LHFPL6: variants seen among roughly 807,000 people sequenced by gnomAD.
The protein encoded by LHFPL6 is LHFPL tetraspan subfamily member 6, also known as LHFPL tetraspan subfamily member 6 protein.
A neutral mutation model predicts 20.6 loss-of-function variants in LHFPL6; 9 were observed. The observed-to-expected ratio is 0.44, with a 90% CI of 0.26 to 0.76. The LOEUF (loss-of-function observed/expected upper bound fraction) is 0.76, where lower values mean the gene tolerates loss of function less well. Ranked by LOEUF, LHFPL6 falls within the 30% of genes least tolerant of loss-of-function variation. LHFPL6 has a pLI of 0.20. For missense variants in LHFPL6, 218 were observed against 253.5 expected (o/e 0.86, Z 0.95); for synonymous variants, 105 against 98.7 (o/e 1.06, Z -0.38).
intron 2 of LHFPL6, among the ~76,000 whole-genome samples, chr13:39,402,537 C>T (rs1871019529): frequency 6.6e-6 from 1 of 152,056 alleles, no homozygotes; most frequent in African/African-American, 2.4e-5. Context: ...GCCCTTTTTG[C>T]TTTTTTAAAT....
At chr13:39,582,319 C>A (rs1369345657) in intron 2 of LHFPL6, among the ~76,000 whole-genome samples, 2 of 152,196 alleles carry the variant, frequency 1.3e-5, no homozygotes, top group African/African-American at 4.8e-5. Context: ...AGTCCAGGGT[C>A]TCATTCTGCA....
chr13:39,600,623 T>C (rs1206005258), intron 2 of LHFPL6, among the ~76,000 whole-genome samples: 2 of 152,216 alleles, frequency 1.3e-5, no homozygotes, highest in East Asian at 1.9e-4. Flanking sequence ...GTGATGTATA[T>C]GTACAGAAAT....
At chr13:39,509,888 C>T (rs910551783) in intron 2 of LHFPL6, among the ~76,000 whole-genome samples, 3 of 152,132 alleles carry the variant, frequency 2.0e-5, no homozygotes, top group Admixed American at 1.3e-4. Flanking sequence ...TGCAGTCAGC[C>T]ATGACTGTGC....
At chr13:39,516,080 G>A (rs1869903145) in intron 2 of LHFPL6, among the ~76,000 whole-genome samples, 1 of 152,142 alleles carries the variant, frequency 6.6e-6, no homozygotes, top group African/African-American at 2.4e-5. Flanking sequence ...GGACTGTGGA[G>A]GCTAATTACG....
intron 2 of LHFPL6, among the ~76,000 whole-genome samples, chr13:39,492,803 C>T (rs1355776177): frequency 1.3e-5 from 2 of 152,040 alleles, no homozygotes; most frequent in Non-Finnish European, 2.9e-5. Context: ...GCCTCAGCCT[C>T]CCGAGTAGCT....
At chr13:39,600,270 T>G (rs1184111113) in intron 2 of LHFPL6, among the ~76,000 whole-genome samples, 1 of 152,226 alleles carries the variant, frequency 6.6e-6, no homozygotes, top group Non-Finnish European at 1.5e-5. Context: ...GATAGCTATC[T>G]CTGTAGAATA....
intron 3 of LHFPL6, among the ~76,000 whole-genome samples, chr13:39,346,964 A>G (rs1471035354): frequency 6.6e-6 from 1 of 151,982 alleles, no homozygotes; most frequent in African/African-American, 2.4e-5. Flanking sequence ...ACACAGAGCA[A>G]ATTAGCACAA....
At chr13:39,542,800 A>G (rs1326943832) in intron 2 of LHFPL6, among the ~76,000 whole-genome samples, 7 of 152,360 alleles carry the variant, frequency 4.6e-5, no homozygotes, top group Middle Eastern at 6.8e-3. Context: ...GCTAAGTCGC[A>G]TGGGTCATAA....
At chr13:39,428,647 C>T (rs1168977836) in intron 2 of LHFPL6, among the ~76,000 whole-genome samples, 1 of 152,096 alleles carries the variant, frequency 6.6e-6, no homozygotes, top group Non-Finnish European at 1.5e-5. Flanking sequence ...TCTCAACAAA[C>T]AAGCTTTTGG....
intron 3 of LHFPL6, among the ~76,000 whole-genome samples, chr13:39,369,915 G>A (rs1227917718): frequency 2.6e-5 from 4 of 152,114 alleles, no homozygotes; most frequent in Admixed American, 6.5e-5. Flanking sequence ...TGATTGTACA[G>A]AGTGGGGTCC....
At chr13:39,575,201 A>G (rs1251733181) in intron 2 of LHFPL6, among the ~76,000 whole-genome samples, 1 of 152,190 alleles carries the variant, frequency 6.6e-6, no homozygotes, top group Non-Finnish European at 1.5e-5. Flanking sequence ...AACCAGAGCT[A>G]TACTACCTTT....
chr13:39,477,914 A>G (rs1344969190), intron 2 of LHFPL6, among the ~76,000 whole-genome samples: 1 of 152,236 alleles, frequency 6.6e-6, no homozygotes, highest in East Asian at 1.9e-4. Context: ...ATCAGTTTCC[A>G]CAAATGACAA....
chr13:39,406,803 A>C (rs942847311), intron 2 of LHFPL6, among the ~76,000 whole-genome samples: 1 of 152,256 alleles, frequency 6.6e-6, no homozygotes, highest in Admixed American at 6.5e-5. Context: ...TTTAAGTCTT[A>C]TAGAAACTAC....
chr13:39,386,141 T>C (rs1334075824), intron 2 of LHFPL6, among the ~76,000 whole-genome samples: 5 of 152,234 alleles, frequency 3.3e-5, no homozygotes, highest in African/African-American at 1.2e-4. Context: ...TCTTGCAGTC[T>C]GTTATCTGAA....
chr13:39,453,433 CT>C (rs1201024992), intron 2 of LHFPL6, among the ~76,000 whole-genome samples: 1 of 152,116 alleles, frequency 6.6e-6, no homozygotes, highest in Non-Finnish European at 1.5e-5. Context: ...CATGCAGTAC[CT>C]TTTGCCTAAA....
At chr13:39,394,056 C>T (rs529396039) in intron 2 of LHFPL6, among the ~76,000 whole-genome samples, 1 of 152,234 alleles carries the variant, frequency 6.6e-6, no homozygotes, top group Non-Finnish European at 1.5e-5. Context: ...ATCCTCTGGC[C>T]TCGCCTCCCA....
intron 2 of LHFPL6, among the ~76,000 whole-genome samples, chr13:39,490,332 C>G (rs1186254563): frequency 2.0e-5 from 3 of 152,170 alleles, no homozygotes; most frequent in African/African-American, 7.2e-5. Flanking sequence ...GGAGGTAAGT[C>G]TCTAAAAGCC....
chr13:39,395,017 G>A (rs1368725679), intron 2 of LHFPL6, among the ~76,000 whole-genome samples: 1 of 152,094 alleles, frequency 6.6e-6, no homozygotes, highest in Non-Finnish European at 1.5e-5. Context: ...TTGGCCCCAT[G>A]GACTCCCCAC....
chr13:39,503,780 G>A (rs1459890220), intron 2 of LHFPL6, among the ~76,000 whole-genome samples: 1 of 152,144 alleles, frequency 6.6e-6, no homozygotes, highest in African/African-American at 2.4e-5. Flanking sequence ...CAACTCACTA[G>A]TAGGTCACCC....
Sources: gnomAD v4.1 joint callset for allele counts (sites outside exome capture counted in the v4.1 genomes callset) on GRCh38, gnomAD v4.1.1 for gene constraint, MANE v1.5 for transcripts, NCBI Gene and HGNC (gene_info 2026-07-23, HGNC 2026-07-21) for gene names.